Variants in TOMM22 observed in about 807,000 individuals in gnomAD.
The protein encoded by TOMM22 is mitochondrial import receptor subunit TOM22 homolog.
TOMM22 carries 3 observed loss-of-function variants against 17.1 expected under a neutral mutation model. The observed-to-expected ratio is 0.18, with a 90% CI of 0.08 to 0.45. TOMM22 has a LOEUF of 0.45. TOMM22 is among the 20% of genes least tolerant of loss of function. The probability of loss-of-function intolerance (pLI) is 0.99; values close to 1 mark genes in which losing one functional copy is unlikely to be tolerated. For synonymous variants in TOMM22, 91 were observed against 74.0 expected (o/e 1.23, Z -1.18); for missense variants, 159 against 179.5 (o/e 0.89, Z 0.65).
intron 2 of TOMM22, 80 bp downstream of exon 2, chr22:38,682,521 G>A: frequency 7.7e-7 from 1 of 1,307,182 alleles, no homozygotes. Flanking sequence ...TTTGGAAGCA[G>A]CAGACCCGTG....
intron 2 of TOMM22, among the ~76,000 whole-genome samples, 166 bp downstream of exon 2, chr22:38,682,607 G>A (rs1281355099): frequency 1.3e-5 from 2 of 151,950 alleles, no homozygotes; most frequent in East Asian, 1.9e-4. Context: ...ACCTGGCAGG[G>A]GAGTTGTGGG....
chr22:38,682,513 T>C, intron 2 of TOMM22, 72 bp downstream of exon 2: 2 of 1,403,878 alleles, frequency 1.4e-6, no homozygotes, highest in Non-Finnish European at 1.0e-6. Context: ...ACACGGGGTT[T>C]GGAAGCAGCA....
intron 2 of TOMM22, among the ~76,000 whole-genome samples, chr22:38,682,674 G>A (rs2092482628): frequency 6.6e-6 from 1 of 151,920 alleles, no homozygotes; most frequent in Non-Finnish European, 1.5e-5. Context: ...AAGAACTCAG[G>A]AGAATGTTAA....
At chr22:38,683,150 G>GGGGC (rs60970723) in intron 3 of TOMM22, among the ~76,000 whole-genome samples, 154 bp downstream of exon 3, 44 of 137,008 alleles carry the variant, frequency 3.2e-4, no homozygotes, top group East Asian at 9.0e-4. Context: ...GTCGGGGGGG[G>GGGGC]GGTTCTGGAT....
Position 38,683,914 on chromosome 22 carries a change from G to A in TOMM22, c.*73G>A, listed in dbSNP as rs1236989488. On this transcript the variant is annotated 3_prime_UTR_variant, in exon 4 of 4. Transcript: ENST00000216034. ...AAGTGTTTGAACTGCTGATAATTTG[G>A]ATTTTTTTTTTTTTTTAACTTTGGC... is the stretch of plus-strand genomic sequence containing the variant. 1 of 1,371,498 alleles carries A rather than the reference G, an allele frequency of 7.3e-7. No homozygotes were observed. The highest frequency in any genetic ancestry group is 2.3e-5 in the East Asian group (1 of 43,270). The allele number at this position is 1,371,498 out of a possible 1,614,324, so 85.0% of individuals were successfully genotyped here.
chr22:38,682,199 G>C (rs2092480623), intron 1 of TOMM22, 104 bp downstream of exon 1: 1 of 1,491,034 alleles, frequency 6.7e-7, no homozygotes, highest in South Asian at 1.2e-5. Flanking sequence ...GGGAGGCGGG[G>C]TTAGGGGCCC....
chr22:38,683,642 A>G (rs923542517), intron 3 of TOMM22, 125 bp from the exon 4 acceptor site: 2 of 693,394 alleles, frequency 2.9e-6, no homozygotes, highest in Admixed American at 5.1e-5. Flanking sequence ...GATCGGGCCC[A>G]TGCTCTTTTA....
intron 1 of TOMM22, 111 bp downstream of exon 1, chr22:38,682,206 G>A (rs916534233): frequency 1.6e-5 from 24 of 1,463,980 alleles, no homozygotes; most frequent in South Asian, 1.3e-4. Flanking sequence ...GGGGTTAGGG[G>A]CCCTGCTGGG....
At position 38,682,305 on chromosome 22, in the gene TOMM22, G is replaced by A. The variant is rs1299146147; in HGVS notation, c.118-18G>A. ...GATGTCGCTTTTTCGGCTAAGACCC[G>A]CGTCTACTCCACCACAGCTAGATGA... On this transcript the variant is annotated intron_variant, in intron 1 of 3. Transcript: ENST00000216034. 5.0e-6 allele frequency: 8 copies of A among 1,610,274 alleles called. No individual in the cohort carries two copies. Among genetic ancestry groups the A allele is most frequent in the Middle Eastern group, 1.7e-4 (1 of 5,850 alleles).
At chr22:38,682,465 T>G (rs773607822) in intron 2 of TOMM22, 24 bp downstream of exon 2, 1 of 1,596,740 alleles carries the variant, frequency 6.3e-7, no homozygotes, top group Non-Finnish European at 8.6e-7. Context: ...GCAAAGGCAC[T>G]GGGTACGTGC....
chr22:38,682,347 CTA>C lies in TOMM22; in HGVS notation c.144_145del (p.Trp49GlyfsTer19). On this transcript the variant is annotated frameshift_variant, in exon 2 of 4. Transcript: ENST00000216034. LOFTEE classifies it high-confidence loss of function. Reference sequence around the variant, plus strand: ...GCTAGATGAGACCCTGTCGGAGAGACTATGGGGCCTGACGGAGATGTTTCCGG... The same window carrying C: ...GCTAGATGAGACCCTGTCGGAGAGACTGGGGCCTGACGGAGATGTTTCCGG... ...EELDETLSERLWGLTEMFPER... is the reference protein window; with the variant it reads ...EELDETLSERXWGLTEMFPER... 6.2e-7 allele frequency: 1 copy of C among 1,614,226 alleles called. No individual in the cohort carries two copies. The highest frequency in any genetic ancestry group is 1.1e-5 in the South Asian group (1 of 91,082).
rs1289587180 is a variant in TOMM22 at position 38,682,573 on chromosome 22, C to T, written c.236+132C>T. The T allele has an allele frequency of 9.0e-5, 71 of 788,722 alleles. No individual in the cohort carries two copies. The East Asian group carries it at 1.7e-3, about 19-fold the overall frequency. The allele number at this position is 788,722 out of a possible 1,614,324, so 48.9% of individuals were successfully genotyped here. A position where few individuals can be genotyped will look rare whatever the true frequency, so the allele number is the denominator to read the frequency against. On this transcript the variant is annotated intron_variant, in intron 2 of 3. Coordinates refer to ENST00000216034, the MANE Select transcript of TOMM22 (RefSeq NM_020243.5). ...TTGTACCCTATCCTTTCTTAGTTTC[C>T]TCTTCTGTAAAATGGGGATTCTTAC...
chr22:38,684,090 G>A lies in TOMM22; in HGVS notation c.*249G>A. The stretch of plus-strand genomic sequence containing the variant: ...CATGCAGATGGTTATTCCAGCTCTG[G>A]TCACCCGACTCCTTTCACCAAATTG... On this transcript the variant is annotated 3_prime_UTR_variant, in exon 4 of 4. Coordinates refer to ENST00000216034, the MANE Select transcript of TOMM22 (RefSeq NM_020243.5). 1 of 448,268 alleles carries A rather than the reference G, an allele frequency of 2.2e-6. No homozygotes were observed. Among genetic ancestry groups the A allele is most frequent in the East Asian group, 3.2e-5 (1 of 31,490 alleles). 27.8% of individuals were successfully genotyped at this position (448,268 alleles called of 1,614,324 possible). A position where few individuals can be genotyped will look rare whatever the true frequency, so the allele number is the denominator to read the frequency against.
At position 38,681,988 on chromosome 22, in the gene TOMM22, G is replaced by A. The variant is rs1384553962; in HGVS notation, c.10G>A (p.Ala4Thr). 6.2e-7 allele frequency: 1 copy of A among 1,610,564 alleles called. No homozygotes were observed. Among genetic ancestry groups the A allele is most frequent in the Non-Finnish European group, 8.5e-7 (1 of 1,178,952 alleles). The change falls in exon 1 of 4, where the codon GCC becomes ACC. Residue 4 changes from alanine to threonine, a missense_variant. Physicochemically the swap from Ala to Thr is moderately conservative, Grantham distance 58. Around this residue, in one of 3 missense-constraint regions of TOMM22, gnomAD observed 107 missense variants for 100.2 expected, o/e 1.07. Coordinates refer to ENST00000216034, the MANE Select transcript of TOMM22 (RefSeq NM_020243.5). MAA[A>T]VAAAGAGEPQ... ...GGTGTCCCCTACAGTCATGGCTGCC[G>A]CCGTCGCTGCTGCCGGTGCAGGGGA...
Position 38,684,744 on chromosome 22 carries a change from A to G in TOMM22, c.*903A>G, listed in dbSNP as rs1390116121. On this transcript the variant is annotated 3_prime_UTR_variant, in exon 4 of 4. Coordinates refer to ENST00000216034, the MANE Select transcript of TOMM22 (RefSeq NM_020243.5). ...GTCTATAATGACACTGTGTAATTAT[A>G]AAGTATTTGTAGGGAATAACATAGT... 6.6e-6 allele frequency: 1 copy of G among 152,184 alleles called. No individual in the cohort carries two copies. The highest frequency in any genetic ancestry group is 1.5e-5 in the Non-Finnish European group (1 of 68,028). 9.4% of individuals were successfully genotyped at this position (152,184 alleles called of 1,614,324 possible).
rs1046485367 is a variant in TOMM22 at position 38,684,537 on chromosome 22, C to A, written c.*696C>A. The A allele has an allele frequency of 6.6e-6, 1 of 152,152 alleles. No individual in the cohort carries two copies. The highest frequency in any genetic ancestry group is 6.5e-5 in the Admixed American group (1 of 15,268). The allele number at this position is 152,152 out of a possible 1,614,324, so 9.4% of individuals were successfully genotyped here. On this transcript the variant is annotated 3_prime_UTR_variant, in exon 4 of 4. Transcript: ENST00000216034. ...GAGACCACGTCAGAGACATGTACTG[C>A]CCCTCACATTTTCTCACCTAAACCA...
Position 38,684,841 on chromosome 22 carries a change from C to G in TOMM22, c.*1000C>G, listed in dbSNP as rs2092491522. Reference sequence around the variant, plus strand: ...TTTTTTTGCCTGAGATCAGGTCTCACTGGAGTACAGTGGTGTCGTTTGGGT... The same window carrying G: ...TTTTTTTGCCTGAGATCAGGTCTCAGTGGAGTACAGTGGTGTCGTTTGGGT... On this transcript the variant is annotated 3_prime_UTR_variant, in exon 4 of 4. Transcript: ENST00000216034. 6.7e-6 allele frequency: 1 copy of G among 148,232 alleles called. No homozygotes were observed. Among genetic ancestry groups the G allele is most frequent in the Non-Finnish European group, 1.5e-5 (1 of 67,416 alleles). 9.2% of individuals were successfully genotyped at this position (148,232 alleles called of 1,614,324 possible).
At chr22:38,683,552 G>A (rs1358638878) in intron 3 of TOMM22, among the ~76,000 whole-genome samples, 1 of 152,236 alleles carries the variant, frequency 6.6e-6, no homozygotes, top group Non-Finnish European at 1.5e-5. Context: ...ATGGGCCAGT[G>A]CCAGTCCACA....
At chr22:38,682,145 T>C in intron 1 of TOMM22, 50 bp downstream of exon 1, 5 of 1,536,692 alleles carry the variant, frequency 3.3e-6, no homozygotes, top group Non-Finnish European at 4.4e-6. Context: ...CGCTCGTGGG[T>C]GTGGGATCCG....
Sources: gnomAD v4.1 joint callset for allele counts (sites outside exome capture counted in the v4.1 genomes callset) on GRCh38, gnomAD v4.1.1 for gene constraint, gnomAD v4.1.1 regional missense constraint, MANE v1.5 for transcripts, NCBI Gene and HGNC (gene_info 2026-07-23, HGNC 2026-07-21) for gene names.